FRMD4A: variants seen among roughly 807,000 people sequenced by gnomAD.
FRMD4A encodes the protein FERM domain-containing protein 4A.
FRMD4A carries 29 observed loss-of-function variants against 129.1 expected under a neutral mutation model. The observed-to-expected ratio is 0.22, with a 90% CI of 0.17 to 0.31. The LOEUF (loss-of-function observed/expected upper bound fraction) is 0.31. Among genes scored for constraint, FRMD4A ranks in the 10% least tolerant of loss-of-function variants. FRMD4A has a pLI of 1.00. For missense variants in FRMD4A, 1,272 were observed against 1,375.8 expected (o/e 0.92, Z 1.19); for synonymous variants, 634 against 571.6 (o/e 1.11, Z -1.56).
At chr10:13,868,952 T>G (rs2094407556) in intron 2 of FRMD4A, among the ~76,000 whole-genome samples, 1 of 152,104 alleles carries the variant, frequency 6.6e-6, no homozygotes, top group South Asian at 2.1e-4. Context: ...AAAATGGAAA[T>G]AGCAATGCAT....
At chr10:14,280,759 C>A (rs1230004175) in intron 2 of FRMD4A, among the ~76,000 whole-genome samples, 1 of 152,036 alleles carries the variant, frequency 6.6e-6, no homozygotes, top group Admixed American at 6.6e-5. Flanking sequence ...CCTTTAAGAA[C>A]CTGAGTGAAA....
chr10:13,722,896 AGCTAGGTCTCCATGCTGGTTAGCTAG>A (rs2089562684), intron 12 of FRMD4A, among the ~76,000 whole-genome samples: 1 of 152,092 alleles, frequency 6.6e-6, no homozygotes, highest in Admixed American at 6.5e-5. Flanking sequence ...CATGCTGGTT[AGCTAGGTCTCCATGCTGGTTAGCTAG>A]GCTTTTATGT....
At position 13,714,035 on chromosome 10, in the gene FRMD4A, T is replaced by TATATATATATAAAATATATATAATATATA. The variant is rs1387466234; in HGVS notation, c.760-6923_760-6922insTATATATTATATATATTTTATATATATAT. ...TACATATATAAAATATACATATATA[T>TATATATATATAAAATATATATAATATATA]ATATATATATATATATATATATATA... On this transcript the variant is annotated intron_variant, in intron 12 of 24. Coordinates refer to ENST00000357447, the MANE Select transcript of FRMD4A (RefSeq NM_018027.5). 5.4e-4 allele frequency among the ~76,000 whole-genome samples: 25 copies of TATATATATATAAAATATATATAATATATA among 46,526 alleles called. 3 individuals are homozygous for TATATATATATAAAATATATATAATATATA. Among genetic ancestry groups the TATATATATATAAAATATATATAATATATA allele is most frequent in the Non-Finnish European group, 2.0e-4 (5 of 25,588 alleles). The allele number at this position is 46,526 out of a possible 152,430, so 30.5% of individuals were successfully genotyped here.
chr10:14,104,226 G>T (rs1444416213), intron 2 of FRMD4A, among the ~76,000 whole-genome samples: 5 of 151,638 alleles, frequency 3.3e-5, no homozygotes, highest in Non-Finnish European at 4.4e-5. Context: ...CTGCCACTGA[G>T]GTCTACACTG....
intron 2 of FRMD4A, among the ~76,000 whole-genome samples, chr10:14,133,685 A>G (rs926087659): frequency 3.3e-5 from 5 of 152,188 alleles, no homozygotes; most frequent in Non-Finnish European, 7.3e-5. Flanking sequence ...CCCATGTGCT[A>G]TATCCTGTGT....
At chr10:14,022,463 T>C (rs868174045) in intron 2 of FRMD4A, among the ~76,000 whole-genome samples, 2 of 152,242 alleles carry the variant, frequency 1.3e-5, no homozygotes, top group African/African-American at 4.8e-5. Context: ...GCCCAAACTT[T>C]GTCTAGCTGC....
intron 2 of FRMD4A, among the ~76,000 whole-genome samples, chr10:14,216,971 A>T (rs1368167003): frequency 6.6e-6 from 1 of 152,162 alleles, no homozygotes; most frequent in Non-Finnish European, 1.5e-5. Context: ...CCTAAATATT[A>T]TACACACTGA....
chr10:13,690,663 G>T (rs2085597010), intron 15 of FRMD4A, among the ~76,000 whole-genome samples: 1 of 152,168 alleles, frequency 6.6e-6, no homozygotes, highest in Non-Finnish European at 1.5e-5. Context: ...TCTCACCAGG[G>T]TTTCTTCTTG....
intron 2 of FRMD4A, among the ~76,000 whole-genome samples, chr10:14,076,673 A>T (rs974450322): frequency 6.6e-6 from 1 of 152,112 alleles, no homozygotes; most frequent in African/African-American, 2.4e-5. Context: ...TGTTAGATGC[A>T]TTACTATGAA....
chr10:13,851,675 G>C (rs1248915240), intron 3 of FRMD4A, among the ~76,000 whole-genome samples: 1 of 152,070 alleles, frequency 6.6e-6, no homozygotes, highest in Non-Finnish European at 1.5e-5. Context: ...GCCGAGGCGG[G>C]TGGATCATGA....
Position 13,694,961 on chromosome 10 carries a change from C to T in FRMD4A, c.976-922G>A, listed in dbSNP as rs142122186. On this transcript the variant is annotated intron_variant, in intron 14 of 24. Transcript: ENST00000357447. ...GGGTCCCACCAACGAACGTCTGACA[C>T]GGTGCTTTGCTTATTTTGATACCTA... is the stretch of plus-strand genomic sequence containing the variant. 9.9e-5 allele frequency among the ~76,000 whole-genome samples: 15 copies of T among 152,232 alleles called. No homozygotes were observed. In the East Asian group the frequency reaches 2.3e-3, roughly 23 times the overall value.
At chr10:13,894,902 C>T (rs1287773789) in intron 2 of FRMD4A, among the ~76,000 whole-genome samples, 1 of 152,234 alleles carries the variant, frequency 6.6e-6, no homozygotes, top group East Asian at 1.9e-4. Context: ...TGGCCACCCA[C>T]TAGCTGTGCA....
At chr10:14,141,408 C>T (rs964298714) in intron 2 of FRMD4A, among the ~76,000 whole-genome samples, 1 of 152,192 alleles carries the variant, frequency 6.6e-6, no homozygotes, top group Admixed American at 6.5e-5. Flanking sequence ...GCACTCTCAC[C>T]TCCTGTGATT....
chr10:14,202,215 C>T (rs1385675378), intron 2 of FRMD4A, among the ~76,000 whole-genome samples: 1 of 152,000 alleles, frequency 6.6e-6, no homozygotes, highest in Admixed American at 6.6e-5. Flanking sequence ...AAGACAGTGG[C>T]AGGCAGGAGT....
At chr10:14,264,016 A>G (rs1285849958) in intron 2 of FRMD4A, among the ~76,000 whole-genome samples, 1 of 152,182 alleles carries the variant, frequency 6.6e-6, no homozygotes, top group African/African-American at 2.4e-5. Context: ...CATTAATTAC[A>G]TGTCTCCTTG....
intron 14 of FRMD4A, among the ~76,000 whole-genome samples, chr10:13,700,952 T>C (rs2086774681): frequency 6.7e-6 from 1 of 150,280 alleles, no homozygotes. Context: ...GTCTATTCGT[T>C]GAGAAAGATT....
chr10:14,266,172 G>C (rs1320073791), intron 2 of FRMD4A, among the ~76,000 whole-genome samples: 1 of 148,740 alleles, frequency 6.7e-6, no homozygotes, highest in African/African-American at 2.5e-5. Flanking sequence ...GTGGGAGGGG[G>C]TGGGGCTTTC....
At chr10:13,680,155 T>C (rs2084412450) in intron 15 of FRMD4A, among the ~76,000 whole-genome samples, 1 of 152,092 alleles carries the variant, frequency 6.6e-6, no homozygotes, top group Non-Finnish European at 1.5e-5. Flanking sequence ...CTCAGGGAAA[T>C]GGGACTGTCA....
intron 2 of FRMD4A, among the ~76,000 whole-genome samples, chr10:14,170,245 A>G (rs1251980320): frequency 1.3e-5 from 2 of 152,222 alleles, no homozygotes; most frequent in African/African-American, 2.4e-5. Context: ...CAGGAAAGAC[A>G]ATTCTTGAAC....
Sources: allele counts gnomAD v4.1 joint callset (sites outside exome capture counted in the v4.1 genomes callset), GRCh38; gene constraint gnomAD v4.1.1; transcripts MANE v1.5; gene names NCBI Gene and HGNC (gene_info 2026-07-23, HGNC 2026-07-21).